HHLA2: variants seen among roughly 807,000 people sequenced by gnomAD.
HHLA2 encodes HERV-H LTR-associating protein 2.
HHLA2 carries 48 observed loss-of-function variants against 45.9 expected under a neutral mutation model. The ratio of observed to expected loss-of-function variants is 1.05; its 90% confidence interval spans 0.83 to 1.33. The LOEUF (loss-of-function observed/expected upper bound fraction) is 1.33, where lower values mean the gene tolerates loss of function less well. Ranked by LOEUF, HHLA2 falls within the 40% of genes most tolerant of loss-of-function variation. The probability of loss-of-function intolerance (pLI) is 0.00; values close to 1 mark genes in which losing one functional copy is unlikely to be tolerated. For missense variants in HHLA2, 462 were observed against 494.3 expected, an observed-to-expected ratio of 0.93 and a Z score of 0.62; for synonymous variants, 161 against 173.9, an observed-to-expected ratio of 0.93 and a Z score of 0.59.
intron 3 of HHLA2, among the ~76,000 whole-genome samples, chr3:108,346,951 C>CT (rs1430149183): frequency 1.1e-4 from 16 of 152,150 alleles, no homozygotes; most frequent in African/African-American, 3.6e-4. Flanking sequence ...ATATGGATTT[C>CT]TTTTTTGCCA....
At chr3:108,327,862 G>C (rs975242528) in intron 2 of HHLA2, among the ~76,000 whole-genome samples, 1 of 152,200 alleles carries the variant, frequency 6.6e-6, no homozygotes, top group East Asian at 1.9e-4. Context: ...GGCTGGGCAT[G>C]GTGGCTCATG....
exon 6 of HHLA2, chr3:108,355,204 A>C: frequency 1.2e-6 from 2 of 1,613,754 alleles, no homozygotes; most frequent in Non-Finnish European, 1.7e-6. Flanking sequence ...TCGTCCAATT[A>C]TCACGTGGAA....
At chr3:108,349,905 G>C (rs1442483427) in intron 3 of HHLA2, among the ~76,000 whole-genome samples, 1 of 152,150 alleles carries the variant, frequency 6.6e-6, no homozygotes, top group Non-Finnish European at 1.5e-5. Flanking sequence ...CTAGGCAATG[G>C]GAAGATGAAC....
At chr3:108,333,498 G>GTT (rs1000708580) in intron 3 of HHLA2, among the ~76,000 whole-genome samples, 85 of 145,610 alleles carry the variant, frequency 5.8e-4, no homozygotes, top group African/African-American at 2.1e-3. Flanking sequence ...AAAATTATTA[G>GTT]TTTATCTGAA....
chr3:108,334,535 G>A (rs1325110041), intron 3 of HHLA2, among the ~76,000 whole-genome samples: 2 of 152,178 alleles, frequency 1.3e-5, no homozygotes, highest in Non-Finnish European at 2.9e-5. Flanking sequence ...GAAAAAGGAT[G>A]GGGAGCTAAT....
intron 8 of HHLA2, among the ~76,000 whole-genome samples, chr3:108,371,302 G>T (rs1244108557): frequency 1.3e-5 from 2 of 152,122 alleles, no homozygotes; most frequent in Non-Finnish European, 2.9e-5. Flanking sequence ...CACCAGGCCT[G>T]CCCTAAAAGA....
At chr3:108,357,982 T>A in exon 7 of HHLA2, 1 of 1,613,792 alleles carries the variant, frequency 6.2e-7, no homozygotes, top group Non-Finnish European at 8.5e-7. Flanking sequence ...GCTTACTATC[T>A]GAGCTCCTCA....
At chr3:108,306,755 A>G (rs780012571) in intron 1 of HHLA2, among the ~76,000 whole-genome samples, 7 of 152,132 alleles carry the variant, frequency 4.6e-5, no homozygotes, top group East Asian at 3.8e-4. Flanking sequence ...TCTATTGTCA[A>G]TTTGTAGTCT....
intron 8 of HHLA2, among the ~76,000 whole-genome samples, chr3:108,364,652 C>A (rs1480042924): frequency 2.6e-5 from 4 of 152,190 alleles, no homozygotes; most frequent in African/African-American, 9.7e-5. Context: ...TGATCTCTAG[C>A]ATCTGTTGTT....
intron 2 of HHLA2, chr3:108,325,869 G>A (rs2081279919): frequency 1.5e-5 from 6 of 396,290 alleles, no homozygotes; most frequent in Non-Finnish European, 2.9e-5. Context: ...GAACTACTTT[G>A]ACCTCTTTGG....
At chr3:108,330,413 G>T (rs2081366617) in intron 3 of HHLA2, among the ~76,000 whole-genome samples, 1 of 152,156 alleles carries the variant, frequency 6.6e-6, no homozygotes, top group Non-Finnish European at 1.5e-5. Flanking sequence ...AATATGATTG[G>T]ATAGTCACTG....
chr3:108,322,851 GT>G (rs1449144622), intron 2 of HHLA2, among the ~76,000 whole-genome samples: 1 of 152,044 alleles, frequency 6.6e-6, no homozygotes, highest in Non-Finnish European at 1.5e-5. Flanking sequence ...TTCCTATGAG[GT>G]TTTCTTATCT....
intron 8 of HHLA2, among the ~76,000 whole-genome samples, chr3:108,365,356 G>A (rs2082047321): frequency 6.6e-6 from 1 of 152,014 alleles, no homozygotes; most frequent in South Asian, 2.1e-4. Flanking sequence ...ATTGGTCTAT[G>A]TATCTGTTTT....
Position 108,346,502 on chromosome 3 carries a change from C to T in HHLA2, c.-26-5286C>T, listed in dbSNP as rs990780230. Among the ~76,000 whole-genome samples, 3 of 152,176 alleles carry T rather than the reference C, an allele frequency of 2.0e-5. No homozygotes were observed. In the East Asian group the frequency reaches 5.8e-4, roughly 29 times the overall value. ...AGAGGAGAATGTAGCAACCTAGAAG[C>T]TGCTTTTCCTCAAAGGAGTGCAGAA... On this transcript the variant is annotated intron_variant, in intron 3 of 10. Coordinates refer to ENST00000619531, the Ensembl canonical transcript of HHLA2.
At chr3:108,320,928 G>A (rs964928416) in intron 2 of HHLA2, among the ~76,000 whole-genome samples, 1 of 151,952 alleles carries the variant, frequency 6.6e-6, no homozygotes, top group Non-Finnish European at 1.5e-5. Flanking sequence ...GTTCCAGCTC[G>A]CAGAAGTCAG....
Position 108,317,883 on chromosome 3 carries a change from C to T in HHLA2, c.-105+7142C>T, listed in dbSNP as rs542558598. Among the ~76,000 whole-genome samples, 9 of 151,920 alleles carry T rather than the reference C, an allele frequency of 5.9e-5. No individual in the cohort carries two copies. The East Asian group carries it at 1.8e-3, about 30-fold the overall frequency. ...CCATCGCACCCAGCCTGGGAGATTA[C>T]TTATTAAAGAAAATATTGTCGGGCA... On this transcript the variant is annotated intron_variant, in intron 2 of 10. Coordinates refer to ENST00000619531, the Ensembl canonical transcript of HHLA2.
chr3:108,376,874 A>C (rs2082285428), intron 10 of HHLA2: 1 of 342,826 alleles, frequency 2.9e-6, no homozygotes, highest in East Asian at 5.2e-5. Context: ...GAAGCATGAA[A>C]CATGGGATTG....
Position 108,339,520 on chromosome 3 carries a change from A to G in HHLA2, c.-27+11173A>G, listed in dbSNP as rs567119985. Among the ~76,000 whole-genome samples the G allele has an allele frequency of 1.1e-4, 17 of 152,306 alleles. No individual in the cohort carries two copies. In the South Asian group the frequency reaches 3.1e-3, roughly 28 times the overall value. ...TATAATACTTCATGTGATTGTGCCT[A>G]GAATTATGGTGTATTACTATATGCT... On this transcript the variant is annotated intron_variant, in intron 3 of 10. Coordinates refer to ENST00000619531, the Ensembl canonical transcript of HHLA2.
At chr3:108,375,719 A>C (rs1478244625) in intron 8 of HHLA2, 31 bp from the exon 8 acceptor site, 46 of 1,604,712 alleles carry the variant, frequency 2.9e-5, no homozygotes, top group Non-Finnish European at 3.6e-5. Context: ...GTAAATACCT[A>C]ATTTCACTCT....
Sources: gnomAD v4.1 joint callset for allele counts (sites outside exome capture counted in the v4.1 genomes callset) on GRCh38, gnomAD v4.1.1 for gene constraint, MANE v1.5 for transcripts, NCBI Gene and HGNC (gene_info 2026-07-23, HGNC 2026-07-21) for gene names.